Variants in STK39 observed in about 807,000 individuals in gnomAD.
STK39 encodes serine/threonine kinase 39, also known as STE20/SPS1-related proline-alanine-rich protein kinase.
A neutral mutation model predicts 77.8 loss-of-function variants in STK39; 20 were observed. That is an observed-to-expected ratio of 0.26 (90% CI 0.18 to 0.37). The LOEUF is 0.37. Among genes scored for constraint, STK39 ranks in the 10% least tolerant of loss-of-function variants. STK39 has a pLI of 1.00. For synonymous variants in STK39, 246 were observed against 234.1 expected (o/e 1.05, Z -0.47); for missense variants, 479 against 656.5 (o/e 0.73, Z 2.95).
At chr2:168,042,879 C>G (rs1273138134) in intron 14 of STK39, among the ~76,000 whole-genome samples, 1 of 152,100 alleles carries the variant, frequency 6.6e-6, no homozygotes, top group Non-Finnish European at 1.5e-5. Flanking sequence ...CACCCAGCCA[C>G]CTTCCTTCTA....
chr2:168,193,971 G>A (rs1689407898), intron 1 of STK39, among the ~76,000 whole-genome samples: 2 of 152,188 alleles, frequency 1.3e-5, no homozygotes, highest in Non-Finnish European at 2.9e-5. Flanking sequence ...CTGGAAAGGA[G>A]GCCTGAAGCA....
chr2:168,002,050 A>G (rs1329843563), intron 16 of STK39, among the ~76,000 whole-genome samples: 1 of 152,242 alleles, frequency 6.6e-6, no homozygotes, highest in Admixed American at 6.5e-5. Context: ...AAACAAGGCA[A>G]TCTAAAGTAA....
chr2:168,076,304 G>A (rs1686076246), intron 10 of STK39, among the ~76,000 whole-genome samples: 1 of 152,124 alleles, frequency 6.6e-6, no homozygotes, highest in South Asian at 2.1e-4. Flanking sequence ...ACTCAAATGT[G>A]ACTCTCCTTA....
intron 17 of STK39, among the ~76,000 whole-genome samples, chr2:167,963,192 A>C (rs1692043096): frequency 6.6e-6 from 1 of 152,156 alleles, no homozygotes; most frequent in Admixed American, 6.5e-5. Flanking sequence ...AGATGCAGGG[A>C]AGAGGACAGA....
chr2:168,173,462 C>G (rs1050820463), intron 2 of STK39, among the ~76,000 whole-genome samples: 10 of 152,142 alleles, frequency 6.6e-5, no homozygotes, highest in Non-Finnish European at 1.3e-4. Flanking sequence ...CATGGAAGAA[C>G]AGGATTAACA....
Position 168,167,968 on chromosome 2 carries a change from A to T in STK39, c.322-561T>A, listed in dbSNP as rs1238104035. ...CAGTAGATATTCCATTAACTAAAAA[A>T]AGGAGGTGGCAGGGAAGAGAGCGGC... On this transcript the variant is annotated intron_variant, in intron 2 of 17. Coordinates refer to ENST00000355999, the MANE Select transcript of STK39 (RefSeq NM_013233.3). 2.6e-5 allele frequency among the ~76,000 whole-genome samples: 4 copies of T among 152,236 alleles called. No individual in the cohort carries two copies. In the East Asian group the frequency reaches 7.7e-4, roughly 29 times the overall value.
At chr2:168,129,292 C>A (rs905406841) in intron 10 of STK39, among the ~76,000 whole-genome samples, 3 of 152,208 alleles carry the variant, frequency 2.0e-5, no homozygotes, top group Admixed American at 6.5e-5. Context: ...TCCTTTCTGA[C>A]CTTCTTTAAG....
At chr2:168,082,352 T>C (rs552357053) in intron 10 of STK39, among the ~76,000 whole-genome samples, 3 of 152,166 alleles carry the variant, frequency 2.0e-5, no homozygotes, top group African/African-American at 4.8e-5. Context: ...TAGTCTCCAA[T>C]TGTGGCCCTC....
intron 1 of STK39, among the ~76,000 whole-genome samples, chr2:168,234,981 C>T (rs1641785750): frequency 2.0e-5 from 3 of 148,246 alleles, no homozygotes; most frequent in Admixed American, 2.0e-4. Flanking sequence ...AGTAAGATTC[C>T]ATCTCTAACA....
chr2:168,197,916 TAATCCCATCTACTTGGG>T (rs923210096), intron 1 of STK39, among the ~76,000 whole-genome samples: 32 of 151,842 alleles, frequency 2.1e-4, no homozygotes, highest in African/African-American at 7.7e-4. Flanking sequence ...TGGGTGCCTG[TAATCCCATCTACTTGGG>T]AGGCTGAGGC....
chr2:168,247,544 C>CCCGCCACCGCCG lies in STK39; in HGVS notation c.-110_-109insCGGCGGTGGCGG, dbSNP rs1553465756. 1.3e-5 allele frequency: 6 copies of CCCGCCACCGCCG among 478,760 alleles called. No individual in the cohort carries two copies. The highest frequency in any genetic ancestry group is 5.2e-5 in the South Asian group (1 of 19,062). 29.7% of individuals were successfully genotyped at this position (478,760 alleles called of 1,614,324 possible). ...TCTCGGCCGGCGCACGCCCTCCCCG[C>CCCGCCACCGCCG]CCGCCGCCGCCGCCGCCGTCCCCGC... is the stretch of plus-strand genomic sequence containing the variant. On this transcript the variant is annotated 5_prime_UTR_variant, in exon 1 of 18. Coordinates refer to ENST00000355999, the MANE Select transcript of STK39 (RefSeq NM_013233.3).
intron 10 of STK39, among the ~76,000 whole-genome samples, chr2:168,077,684 A>T (rs1358307059): frequency 6.6e-6 from 1 of 152,162 alleles, no homozygotes; most frequent in Non-Finnish European, 1.5e-5. Context: ...CTAGGAATAA[A>T]CTTGCAGCAT....
At chr2:168,215,659 C>G (rs1690007335) in intron 1 of STK39, among the ~76,000 whole-genome samples, 1 of 152,098 alleles carries the variant, frequency 6.6e-6, no homozygotes, top group South Asian at 2.1e-4. Context: ...AATAATTAGT[C>G]ACGAATGTCA....
chr2:168,089,130 A>C (rs1033512690), intron 10 of STK39, among the ~76,000 whole-genome samples: 1 of 152,192 alleles, frequency 6.6e-6, no homozygotes, highest in Non-Finnish European at 1.5e-5. Context: ...AAAGTGAGGA[A>C]GACGGAGTGG....
At chr2:168,172,285 G>C (rs914928182) in intron 2 of STK39, among the ~76,000 whole-genome samples, 1 of 152,166 alleles carries the variant, frequency 6.6e-6, no homozygotes, top group African/African-American at 2.4e-5. Flanking sequence ...ACAGACCATG[G>C]CAGCAGCCGT....
At chr2:168,184,189 T>G (rs182987672) in intron 1 of STK39, among the ~76,000 whole-genome samples, 14 of 152,340 alleles carry the variant, frequency 9.2e-5, no homozygotes, top group Non-Finnish European at 1.8e-4. Flanking sequence ...GTTAAGTCCT[T>G]GACAGTAAAA....
intron 16 of STK39, among the ~76,000 whole-genome samples, chr2:167,976,284 A>C (rs1683274440): frequency 6.6e-6 from 1 of 152,234 alleles, no homozygotes; most frequent in South Asian, 2.1e-4. Context: ...AAAAATTCTA[A>C]AACTGCCTTT....
At chr2:168,006,233 G>A (rs923084153) in intron 16 of STK39, among the ~76,000 whole-genome samples, 2 of 152,206 alleles carry the variant, frequency 1.3e-5, no homozygotes, top group African/African-American at 4.8e-5. Flanking sequence ...GTATTGAGCC[G>A]TGCAGATTGA....
chr2:168,203,008 G>A (rs954963210), intron 1 of STK39, among the ~76,000 whole-genome samples: 3 of 152,116 alleles, frequency 2.0e-5, no homozygotes, highest in East Asian at 3.9e-4. Flanking sequence ...GTAGAACAGC[G>A]TTTCTCCACC....
Sources: allele counts gnomAD v4.1 joint callset (sites outside exome capture counted in the v4.1 genomes callset), GRCh38; gene constraint gnomAD v4.1.1; transcripts MANE v1.5; gene names NCBI Gene and HGNC (gene_info 2026-07-23, HGNC 2026-07-21).